The following C2orf49 variants were observed in gnomAD, a reference collection of about 807,000 sequenced individuals.
C2orf49 encodes the protein tRNA splicing ligase complex subunit 2.
A neutral mutation model predicts 20.6 loss-of-function variants in C2orf49; 11 were observed. The ratio of observed to expected loss-of-function variants is 0.53; its 90% CI spans 0.34 to 0.88. The LOEUF is 0.88. C2orf49 is among the 40% of genes least tolerant of loss of function. The probability of loss-of-function intolerance (pLI) is 0.02; values close to 1 mark genes in which losing one functional copy is unlikely to be tolerated. For synonymous variants in C2orf49, 134 were observed against 108.5 expected (o/e 1.24, Z -1.46); for missense variants, 289 against 274.2 (o/e 1.05, Z -0.38).
the C2orf49 span, among the ~76,000 whole-genome samples, chr2:105,381,748 G>A: frequency 6.6e-6 from 1 of 152,162 alleles, no homozygotes; most frequent in South Asian, 2.1e-4. Context: ...AAACTCTGTG[G>A]ACAAATTCTA....
At chr2:105,361,906 A>T in the C2orf49 span, among the ~76,000 whole-genome samples, 1 of 152,122 alleles carries the variant, frequency 6.6e-6, no homozygotes, top group African/African-American at 2.4e-5. Context: ...GTGGGTGGGA[A>T]TGAGGGGAGA....
At chr2:105,341,923 A>G (rs1355507761) in intron 2 of C2orf49, among the ~76,000 whole-genome samples, 1 of 152,238 alleles carries the variant, frequency 6.6e-6, no homozygotes, top group East Asian at 1.9e-4. Flanking sequence ...CACGCCTGTA[A>G]TCCCAGCATG....
chr2:105,353,474 T>G (rs1185357656), downstream of C2orf49, among the ~76,000 whole-genome samples: 1 of 152,198 alleles, frequency 6.6e-6, no homozygotes, highest in Non-Finnish European at 1.5e-5. Context: ...ACCTGGACAT[T>G]TCCATCTCAG....
At chr2:105,384,004 T>A in the C2orf49 span, among the ~76,000 whole-genome samples, 1 of 152,240 alleles carries the variant, frequency 6.6e-6, no homozygotes, top group African/African-American at 2.4e-5. Context: ...GGGAGACTCT[T>A]GTTTATTTGC....
At chr2:105,351,622 G>A (rs554001769), downstream of C2orf49, among the ~76,000 whole-genome samples, 12 of 152,240 alleles carry the variant, frequency 7.9e-5, no homozygotes, top group South Asian at 8.3e-4. Context: ...GTTCGCTCCC[G>A]TTTCCCTGTG....
chr2:105,338,385 C>T (rs1418911748), intron 1 of C2orf49, among the ~76,000 whole-genome samples: 1 of 152,162 alleles, frequency 6.6e-6, no homozygotes, highest in Non-Finnish European at 1.5e-5. Context: ...CCTCTTGCCA[C>T]GTAGAGCTTA....
the C2orf49 span, chr2:105,361,013 A>G: frequency 3.2e-6 from 1 of 314,510 alleles, no homozygotes. Context: ...GCATCATTCA[A>G]AAGGATTTTT....
At chr2:105,378,219 T>C in the C2orf49 span, 2 of 470,688 alleles carry the variant, frequency 4.2e-6, no homozygotes, top group South Asian at 3.1e-5. Flanking sequence ...AAAAATGCAA[T>C]AGCTACAGTT....
At chr2:105,379,062 T>C in the C2orf49 span, among the ~76,000 whole-genome samples, 1 of 152,154 alleles carries the variant, frequency 6.6e-6, no homozygotes, top group Non-Finnish European at 1.5e-5. Context: ...TTAAATTGCT[T>C]GGTTATTTCA....
chr2:105,385,223 C>T, the C2orf49 span, among the ~76,000 whole-genome samples: 8 of 152,252 alleles, frequency 5.3e-5, no homozygotes, highest in East Asian at 1.9e-4. Flanking sequence ...AGGTCTCTTT[C>T]GCTACAAGAT....
intron 3 of C2orf49, among the ~76,000 whole-genome samples, chr2:105,343,705 C>T (rs1188184785): frequency 6.6e-6 from 1 of 152,140 alleles, no homozygotes; most frequent in Non-Finnish European, 1.5e-5. Context: ...GCCTACTGCT[C>T]AATTTACCTA....
chr2:105,344,508 T>A (rs942129261), intron 3 of C2orf49, among the ~76,000 whole-genome samples: 1 of 152,102 alleles, frequency 6.6e-6, no homozygotes, highest in African/African-American at 2.4e-5. Context: ...GATAAAAGAT[T>A]CTTTTTTATG....
chr2:105,379,581 A>G, the C2orf49 span, among the ~76,000 whole-genome samples: 2 of 152,228 alleles, frequency 1.3e-5, no homozygotes, highest in African/African-American at 4.8e-5. Flanking sequence ...TGTTTTCTCC[A>G]ACATTCCCAC....
the C2orf49 span, among the ~76,000 whole-genome samples, chr2:105,356,481 G>T: frequency 6.3e-4 from 95 of 151,610 alleles, no homozygotes; most frequent in Non-Finnish European, 1.3e-3. Flanking sequence ...AGGCTGAGGT[G>T]GGAAGATCAC....
the C2orf49 span, among the ~76,000 whole-genome samples, chr2:105,356,687 G>A: frequency 3.9e-5 from 6 of 152,204 alleles, no homozygotes; most frequent in Admixed American, 3.9e-4. Flanking sequence ...AGTTTTGCCT[G>A]TTGACATTTG....
Position 105,348,021 on chromosome 2 carries a change from G to C in C2orf49, c.*2650G>C, listed in dbSNP as rs1386460531. 6.6e-6 allele frequency: 1 copy of C among 151,624 alleles called. No homozygotes were observed. Among genetic ancestry groups the C allele is most frequent in the African/African-American group, 2.4e-5 (1 of 41,228 alleles). The allele number at this position is 151,624 out of a possible 1,614,324, so 9.4% of individuals were successfully genotyped here. A position where few individuals can be genotyped will look rare whatever the true frequency, so the allele number is the denominator to read the frequency against. Reference sequence around the variant, plus strand: ...TCCTTGTTTTTTCTTTTCCCTCTTTGTTCCTTCTTTTCCCTTTCTCCTTAT... The same window carrying C: ...TCCTTGTTTTTTCTTTTCCCTCTTTCTTCCTTCTTTTCCCTTTCTCCTTAT... On this transcript the variant is annotated 3_prime_UTR_variant, in exon 4 of 4. Transcript: ENST00000258457.
chr2:105,364,462 G>A, the C2orf49 span, among the ~76,000 whole-genome samples: 6 of 152,228 alleles, frequency 3.9e-5, no homozygotes, highest in Admixed American at 2.0e-4. Context: ...ATTCTCACCT[G>A]TCTTGTGGTC....
intron 1 of C2orf49, 35 bp downstream of exon 1, chr2:105,337,721 G>GGGGGGGGGCCCCCCCCCCCCC: frequency 3.7e-5 from 1 of 26,798 alleles, no homozygotes; most frequent in East Asian, 1.3e-3. Context: ...GGGCGGGTGG[G>GGGGGGGGGCCCCCCCCCCCCC]CCTTCCCAGG....
chr2:105,379,376 T>C, the C2orf49 span, among the ~76,000 whole-genome samples: 1 of 152,336 alleles, frequency 6.6e-6, no homozygotes, highest in East Asian at 1.9e-4. Context: ...AAGACAGTCC[T>C]ATCAATGAGA....
Sources: allele counts gnomAD v4.1 joint callset (sites outside exome capture counted in the v4.1 genomes callset), GRCh38; gene constraint gnomAD v4.1.1; transcripts MANE v1.5; gene names NCBI Gene and HGNC (gene_info 2026-07-23, HGNC 2026-07-21).